Variants in PTCD2 observed in about 807,000 individuals in gnomAD.
The protein encoded by PTCD2 is pentatricopeptide repeat domain 2.
A neutral mutation model predicts 42.6 loss-of-function variants in PTCD2; 31 were observed. The ratio of observed to expected loss-of-function variants is 0.73; its 90% CI spans 0.55 to 0.98. The LOEUF is 0.98. Ranked by LOEUF, PTCD2 falls within the 50% of genes least tolerant of loss-of-function variation. The pLI is 0.00. For synonymous variants in PTCD2, 183 were observed against 170.9 expected (o/e 1.07, Z -0.55); for missense variants, 476 against 454.8 (o/e 1.05, Z -0.42).
chr5:72,321,380 A>C (rs1458058247), intron 1 of PTCD2: 1 of 152,238 alleles, frequency 6.6e-6, no homozygotes, highest in Non-Finnish European at 1.5e-5. Context: ...GAACAAGGTT[A>C]AGTAATTTGC....
intron 9 of PTCD2, among the ~76,000 whole-genome samples, chr5:72,355,605 G>A (rs2112233652): frequency 6.6e-6 from 1 of 152,244 alleles, no homozygotes; most frequent in East Asian, 1.9e-4. Context: ...AATTGAAAGT[G>A]AAATGAAACA....
intron 4 of PTCD2, 118 bp downstream of exon 4, chr5:72,331,493 C>G: frequency 1.3e-6 from 1 of 767,190 alleles, no homozygotes; most frequent in Non-Finnish European, 2.3e-6. Context: ...GCTGCTGGGG[C>G]TGAATGAGCA....
At chr5:72,324,695 T>C (rs532191323) in intron 2 of PTCD2, among the ~76,000 whole-genome samples, 1 of 152,296 alleles carries the variant, frequency 6.6e-6, no homozygotes, top group East Asian at 1.9e-4. Flanking sequence ...GTTTATAGTA[T>C]TCATGTGTCA....
intron 8 of PTCD2, among the ~76,000 whole-genome samples, chr5:72,344,465 A>G (rs918813006): frequency 6.6e-6 from 1 of 152,096 alleles, no homozygotes; most frequent in African/African-American, 2.4e-5. Flanking sequence ...GTGAGCCAAA[A>G]TTGCGCCACT....
chr5:72,348,176 T>C (rs541025926), intron 8 of PTCD2, among the ~76,000 whole-genome samples: 11 of 152,356 alleles, frequency 7.2e-5, no homozygotes, highest in Admixed American at 2.0e-4. Context: ...TTTTAGATTC[T>C]AGGTCTCTGT....
chr5:72,332,767 T>C (rs1751509129), intron 4 of PTCD2, among the ~76,000 whole-genome samples: 1 of 152,216 alleles, frequency 6.6e-6, no homozygotes, highest in Non-Finnish European at 1.5e-5. Flanking sequence ...GAACTTCTCT[T>C]GTTCCCTACT....
intron 7 of PTCD2, among the ~76,000 whole-genome samples, chr5:72,338,964 G>A (rs1316861583): frequency 6.6e-6 from 1 of 152,188 alleles, no homozygotes; most frequent in South Asian, 2.1e-4. Flanking sequence ...GAAGGGTAGA[G>A]AAATTTCTCA....
intron 4 of PTCD2, among the ~76,000 whole-genome samples, chr5:72,333,283 C>T (rs1751539552): frequency 6.6e-6 from 1 of 152,200 alleles, no homozygotes; most frequent in South Asian, 2.1e-4. Context: ...TCCTTGACCT[C>T]ACTGAGGTCT....
chr5:72,339,437 A>C (rs1751932349), intron 7 of PTCD2, among the ~76,000 whole-genome samples: 1 of 152,238 alleles, frequency 6.6e-6, no homozygotes, highest in African/African-American at 2.4e-5. Context: ...TGGCTGGTAA[A>C]ATATAGCTGG....
In PTCD2 at chr5:72,367,615, T is replaced by C. The variant is rs1485499802; in HGVS notation, c.*9188T>C. 2 of 152,190 alleles carry C rather than the reference T, an allele frequency of 1.3e-5. No individual in the cohort carries two copies. The highest frequency in any genetic ancestry group is 2.9e-5 in the Non-Finnish European group (2 of 68,026). 9.4% of individuals were successfully genotyped at this position (152,190 alleles called of 1,614,324 possible). A position where few individuals can be genotyped will look rare whatever the true frequency, so the allele number is the denominator to read the frequency against. Reference sequence around the variant, plus strand: ...TAATGTCTGTGATTTACCTCACTTATCAAATGAAAAAAACCCAAAACACCT... The same window carrying C: ...TAATGTCTGTGATTTACCTCACTTACCAAATGAAAAAAACCCAAAACACCT... On this transcript the variant is annotated 3_prime_UTR_variant, in exon 10 of 10. Coordinates refer to ENST00000380639, the MANE Select transcript of PTCD2 (RefSeq NM_024754.5).
At chr5:72,340,530 A>G (rs1022589197) in intron 7 of PTCD2, among the ~76,000 whole-genome samples, 3 of 152,198 alleles carry the variant, frequency 2.0e-5, no homozygotes, top group Admixed American at 1.3e-4. Context: ...TCTGTACTAT[A>G]GCCATACTCC....
chr5:72,331,246 T>G lies in PTCD2; in HGVS notation c.351-12T>G, dbSNP rs1472493817. The stretch of plus-strand genomic sequence containing the variant: ...CCTACCTTTTGGCTCATTGAATCAT[T>G]TTCATTACCAGGTACCATGCAGAGA... On this transcript the variant is annotated splice_polypyrimidine_tract_variant and intron_variant, in intron 3 of 9. Coordinates refer to ENST00000380639, the MANE Select transcript of PTCD2 (RefSeq NM_024754.5). 1.3e-6 allele frequency: 2 copies of G among 1,567,124 alleles called. No individual in the cohort carries two copies. Among genetic ancestry groups the G allele is most frequent in the Non-Finnish European group, 1.8e-6 (2 of 1,137,188 alleles).
chr5:72,329,964 G>C (rs1171186671), intron 3 of PTCD2, among the ~76,000 whole-genome samples: 5 of 147,530 alleles, frequency 3.4e-5, no homozygotes, highest in Non-Finnish European at 7.4e-5. Flanking sequence ...ATGGAGTCTC[G>C]CTCTGTCGCC....
At chr5:72,325,017 G>A (rs962465228) in intron 2 of PTCD2, among the ~76,000 whole-genome samples, 3 of 151,806 alleles carry the variant, frequency 2.0e-5, no homozygotes, top group Non-Finnish European at 2.9e-5. Context: ...CTGCCTCCCA[G>A]GTTCAAGCAA....
chr5:72,352,424 G>A (rs1020036425), intron 8 of PTCD2, among the ~76,000 whole-genome samples: 1 of 152,200 alleles, frequency 6.6e-6, no homozygotes, highest in Non-Finnish European at 1.5e-5. Flanking sequence ...GGGATTACAG[G>A]CAAAGTTGTA....
intron 2 of PTCD2, among the ~76,000 whole-genome samples, chr5:72,326,086 A>G (rs1327556160): frequency 2.6e-5 from 4 of 152,210 alleles, no homozygotes; most frequent in Non-Finnish European, 4.4e-5. Context: ...AGGAATGAAA[A>G]AGAGGTGAAG....
In PTCD2 at chr5:72,342,978, C is replaced by T. The variant is rs1752152994; in HGVS notation, c.770C>T (p.Ala257Val). 1 of 1,597,120 alleles carries T rather than the reference C, an allele frequency of 6.3e-7. No individual in the cohort carries two copies. The highest frequency in any genetic ancestry group is 2.3e-5 in the East Asian group (1 of 44,400). Residue 257 changes from alanine to valine, a missense_variant, in exon 8 of 10, where the codon GCT becomes GTT. By Grantham distance (64) the Ala-to-Val change is moderately conservative (BLOSUM62 0). Transcript: ENST00000380639. ...TCCTTCTAGAATGAGATGGCAAAAG[C>T]TGTGTCCATTTTTTCTCAAATCATG... ...LALNQNEMAKAVSIFSQIMNP... is the reference protein window; with the variant it reads ...LALNQNEMAKVVSIFSQIMNP...
chr5:72,351,876 C>T (rs925243408), intron 8 of PTCD2, among the ~76,000 whole-genome samples: 1 of 152,070 alleles, frequency 6.6e-6, no homozygotes, highest in Non-Finnish European at 1.5e-5. Flanking sequence ...TCCTCTGAAT[C>T]TAGAGGATGT....
rs1177700917 is a variant in PTCD2 at position 72,350,675 on chromosome 5, A to G, written c.829-1966A>G. Among the ~76,000 whole-genome samples the G allele has an allele frequency of 4.6e-5, 7 of 152,168 alleles. No individual in the cohort carries two copies. In the East Asian group the frequency reaches 1.3e-3, roughly 29 times the overall value. On this transcript the variant is annotated intron_variant, in intron 8 of 9. Coordinates refer to ENST00000380639, the MANE Select transcript of PTCD2 (RefSeq NM_024754.5). ...ACTGAATTTAAATTGGGTTCTTTGT[A>G]TTTAGTTTACCTGGGATCATTTCAT...
Sources: gnomAD v4.1 joint callset for allele counts (sites outside exome capture counted in the v4.1 genomes callset) on GRCh38, gnomAD v4.1.1 for gene constraint, MANE v1.5 for transcripts, NCBI Gene and HGNC (gene_info 2026-07-23, HGNC 2026-07-21) for gene names.